The following DCDC1 variants were observed in gnomAD, a reference collection of about 807,000 sequenced individuals.
DCDC1 encodes the protein doublecortin domain-containing protein 1.
In DCDC1, 200 loss-of-function variants were observed where a neutral mutation model predicts 178.3. That is an observed-to-expected ratio of 1.12 (90% CI 1.00 to 1.26). The LOEUF (loss-of-function observed/expected upper bound fraction) is 1.26. Ranked by LOEUF, DCDC1 falls within the 50% of genes most tolerant of loss-of-function variation. DCDC1 has a pLI of 0.00. For synonymous variants in DCDC1, 690 were observed against 604.8 expected, an observed-to-expected ratio of 1.14 and a Z score of -2.07; for missense variants, 1,983 against 1,749.2, an observed-to-expected ratio of 1.13 and a Z score of -2.38.
At chr11:31,280,164 G>GA (rs1946319703) in intron 7 of DCDC1, among the ~76,000 whole-genome samples, 1 of 152,096 alleles carries the variant, frequency 6.6e-6, no homozygotes, top group Non-Finnish European at 1.5e-5. Flanking sequence ...ATTCTAATTA[G>GA]ATTGGCATAG....
chr11:30,944,099 G>A (rs969466595), intron 21 of DCDC1: 2 of 252,440 alleles, frequency 7.9e-6, no homozygotes, highest in Admixed American at 9.6e-5. Context: ...CAGCCCAGCT[G>A]ATCTTTCTTC....
chr11:31,176,806 C>A (rs1365116825), intron 9 of DCDC1, among the ~76,000 whole-genome samples: 2 of 152,072 alleles, frequency 1.3e-5, no homozygotes, highest in Non-Finnish European at 2.9e-5. Context: ...ACAAAGCTAT[C>A]CTTAAGAAAT....
At chr11:30,952,169 A>G (rs898464811) in intron 21 of DCDC1, among the ~76,000 whole-genome samples, 2 of 152,220 alleles carry the variant, frequency 1.3e-5, no homozygotes, top group Non-Finnish European at 2.9e-5. Flanking sequence ...CACCAGGGAG[A>G]TATAATATTT....
At chr11:31,167,370 A>G (rs1966845654) in intron 9 of DCDC1, among the ~76,000 whole-genome samples, 1 of 152,200 alleles carries the variant, frequency 6.6e-6, no homozygotes, top group African/African-American at 2.4e-5. Context: ...GAATTTTAAT[A>G]AAGCAACTTT....
At chr11:30,979,429 C>T (rs1950271331) in intron 20 of DCDC1, among the ~76,000 whole-genome samples, 1 of 152,094 alleles carries the variant, frequency 6.6e-6, no homozygotes, top group Admixed American at 6.6e-5. Flanking sequence ...CTGAACAAAC[C>T]TTTAAATACA....
intron 9 of DCDC1, among the ~76,000 whole-genome samples, chr11:31,238,114 AT>A (rs1976670691): frequency 6.6e-6 from 1 of 152,054 alleles, no homozygotes; most frequent in South Asian, 2.1e-4. Context: ...AGTACTATGC[AT>A]TCTTATGTAA....
chr11:31,297,884 C>T (rs1002819178), intron 6 of DCDC1, among the ~76,000 whole-genome samples: 20 of 152,054 alleles, frequency 1.3e-4, no homozygotes, highest in South Asian at 2.1e-4. Context: ...TGAGTTGTAC[C>T]GCTTTTCTGG....
chr11:30,883,493 C>A, intron 36 of DCDC1: 1 of 459,654 alleles, frequency 2.2e-6, no homozygotes, highest in Non-Finnish European at 4.5e-6. Context: ...AATAAAGATC[C>A]ATGTCTTCAG....
intron 9 of DCDC1, among the ~76,000 whole-genome samples, chr11:31,158,926 A>G (rs975146274): frequency 6.6e-6 from 1 of 152,306 alleles, no homozygotes; most frequent in African/African-American, 2.4e-5. Context: ...TATCATTCTC[A>G]TAATTGATAG....
At chr11:31,013,000 A>T (rs1158964257) in intron 20 of DCDC1, among the ~76,000 whole-genome samples, 1 of 152,214 alleles carries the variant, frequency 6.6e-6, no homozygotes, top group Non-Finnish European at 1.5e-5. Flanking sequence ...TAATTTCTAA[A>T]AAAACAATGT....
intron 29 of DCDC1, among the ~76,000 whole-genome samples, chr11:30,908,036 G>T (rs753223593): frequency 1.3e-5 from 2 of 151,994 alleles, no homozygotes; most frequent in East Asian, 3.9e-4. Context: ...AGACAAAATT[G>T]ACCCTTTTGA....
chr11:31,016,403 T>G (rs1307932772), intron 20 of DCDC1, among the ~76,000 whole-genome samples: 1 of 152,236 alleles, frequency 6.6e-6, no homozygotes, highest in African/African-American at 2.4e-5. Context: ...TGTTACATAA[T>G]GTCACTGAAG....
At chr11:31,145,968 T>G (rs1964402438) in intron 9 of DCDC1, among the ~76,000 whole-genome samples, 1 of 152,182 alleles carries the variant, frequency 6.6e-6, no homozygotes, top group Non-Finnish European at 1.5e-5. Flanking sequence ...ACTAAATGAC[T>G]GAGTTAGACA....
At chr11:31,315,616 G>A (rs1197957434) in intron 3 of DCDC1, among the ~76,000 whole-genome samples, 2 of 148,806 alleles carry the variant, frequency 1.3e-5, no homozygotes, top group African/African-American at 2.5e-5. Context: ...GATTACAGGC[G>A]TGAGCCACCA....
At chr11:31,249,587 C>A (rs1309995019) in intron 8 of DCDC1, among the ~76,000 whole-genome samples, 3 of 152,092 alleles carry the variant, frequency 2.0e-5, no homozygotes, top group African/African-American at 7.2e-5. Flanking sequence ...ACTGCAAGTC[C>A]AAGGAATGAA....
chr11:31,229,531 GAGTAAAA>G (rs1347973981), intron 9 of DCDC1, among the ~76,000 whole-genome samples: 1 of 151,976 alleles, frequency 6.6e-6, no homozygotes, highest in East Asian at 1.9e-4. Context: ...TCAATTATTG[GAGTAAAA>G]AGTATTTGAA....
intron 8 of DCDC1, among the ~76,000 whole-genome samples, chr11:31,250,776 G>T (rs1231434315): frequency 6.8e-6 from 1 of 147,384 alleles, no homozygotes; most frequent in East Asian, 2.0e-4. Context: ...TTTTTTTTGA[G>T]ACGGAGTCTC....
intron 18 of DCDC1, among the ~76,000 whole-genome samples, 196 bp downstream of exon 18, chr11:31,077,669 G>A (rs1014616353): frequency 2.0e-5 from 3 of 151,816 alleles, no homozygotes; most frequent in Admixed American, 2.0e-4. Context: ...TTTGACTTTA[G>A]AAAATGTGTT....
intron 20 of DCDC1, among the ~76,000 whole-genome samples, chr11:30,996,678 C>T (rs1439046272): frequency 6.6e-6 from 1 of 152,200 alleles, no homozygotes; most frequent in African/African-American, 2.4e-5. Flanking sequence ...GAGCAGCCTT[C>T]ACTTGACAAC....
Sources: gnomAD v4.1 joint callset for allele counts (sites outside exome capture counted in the v4.1 genomes callset) on GRCh38, gnomAD v4.1.1 for gene constraint, MANE v1.5 for transcripts, NCBI Gene and HGNC (gene_info 2026-07-23, HGNC 2026-07-21) for gene names.